Variants in RSPH3 observed in about 807,000 individuals in gnomAD.
The protein encoded by RSPH3 is radial spoke head 3, also known as radial spoke head protein 3 homolog.
RSPH3 carries 21 observed loss-of-function variants against 43.8 expected under a neutral mutation model. The observed-to-expected ratio is 0.48, with a 90% CI of 0.34 to 0.69. The LOEUF (loss-of-function observed/expected upper bound fraction) is 0.69, where lower values mean the gene tolerates loss of function less well. RSPH3 is among the 30% of genes least tolerant of loss of function. The pLI is 0.01. For synonymous variants in RSPH3, 173 were observed against 179.8 expected (o/e 0.96, Z 0.30); for missense variants, 487 against 516.0 (o/e 0.94, Z 0.54).
At chr6:158,993,704 T>A (rs1778495945) in intron 2 of RSPH3, 135 bp downstream of exon 2, 1 of 527,170 alleles carries the variant, frequency 1.9e-6, no homozygotes. Context: ...TTTTAAAAAT[T>A]TCATTTTTAT....
chr6:158,988,281 G>A (rs1173970005), intron 2 of RSPH3: 2 of 152,144 alleles, frequency 1.3e-5, no homozygotes, highest in African/African-American at 2.4e-5. Context: ...CTTCATGTAT[G>A]CTATTTGCTT....
Position 158,999,737 on chromosome 6 carries a change from G to A in RSPH3, c.-187C>T, listed in dbSNP as rs907246708. On this transcript the variant is annotated 5_prime_UTR_variant, in exon 1 of 8. Coordinates refer to ENST00000367069, the MANE Select transcript of RSPH3 (RefSeq NM_031924.8). ...CAGCGCAGGAGGTGGGAGCTATACT[G>A]GGCTCGCTCCCAGCACCACAGAGAC... 1 of 1,612,312 alleles carries A rather than the reference G, an allele frequency of 6.2e-7. No homozygotes were observed. The highest frequency in any genetic ancestry group is 1.1e-5 in the South Asian group (1 of 90,908).
In RSPH3 at chr6:158,999,712, C is replaced by T; in HGVS notation, c.-162G>A. The T allele has an allele frequency of 1.2e-6, 2 of 1,613,716 alleles. No individual in the cohort carries two copies. The highest frequency in any genetic ancestry group is 1.7e-6 in the Non-Finnish European group (2 of 1,179,820). On this transcript the variant is annotated 5_prime_UTR_variant, in exon 1 of 8. Coordinates refer to ENST00000367069, the MANE Select transcript of RSPH3 (RefSeq NM_031924.8). The stretch of plus-strand genomic sequence containing the variant: ...GGAGGCGGGCGGGACGGGAGGTTAC[C>T]AGCGCAGGAGGTGGGAGCTATACTG...
the RSPH3 span, among the ~76,000 whole-genome samples, chr6:158,963,304 TCCTC>T: frequency 6.6e-6 from 1 of 151,166 alleles, no homozygotes; most frequent in Non-Finnish European, 1.5e-5. Context: ...CTTCCTCTCT[TCCTC>T]CCTCCCTCCT....
chr6:158,999,965 C>T lies in RSPH3; in HGVS notation c.-415G>A. 6.3e-7 allele frequency: 1 copy of T among 1,595,984 alleles called. No homozygotes were observed. Among genetic ancestry groups the T allele is most frequent in the Non-Finnish European group, 8.5e-7 (1 of 1,170,470 alleles). On this transcript the variant is annotated 5_prime_UTR_variant, in exon 1 of 8. Coordinates refer to ENST00000367069, the MANE Select transcript of RSPH3 (RefSeq NM_031924.8). ...TGGCTAGGGAGGCGGCCTTGGCTGG[C>T]TTGACCGTCATCCTTGAGGCCTGCG...
Position 158,977,130 on chromosome 6 carries a change from A to G in RSPH3, c.*408T>C, listed in dbSNP as rs1222193682. ...CGCCTGGCTAGGCATTCACTCTTAC[A>G]GTAGGTGAAATAGTTTTCCTATAGA... On this transcript the variant is annotated 3_prime_UTR_variant, in exon 8 of 8. Transcript: ENST00000367069. 1 of 165,604 alleles carries G rather than the reference A, an allele frequency of 6.0e-6. No individual in the cohort carries two copies. The highest frequency in any genetic ancestry group is 2.4e-5 in the African/African-American group (1 of 41,516). 10.3% of individuals were successfully genotyped at this position (165,604 alleles called of 1,614,324 possible). A position where few individuals can be genotyped will look rare whatever the true frequency, so the allele number is the denominator to read the frequency against.
At chr6:158,998,463 C>T (rs901764105) in intron 1 of RSPH3, among the ~76,000 whole-genome samples, 2 of 129,464 alleles carry the variant, frequency 1.5e-5, no homozygotes, top group Admixed American at 1.7e-4. Context: ...AGCGAGACTC[C>T]GTCTCAAAAA....
chr6:158,963,473 C>CCCCTCCCCTCCCTTCCCTTCCCTTCCCT, the RSPH3 span, among the ~76,000 whole-genome samples: 1 of 124,768 alleles, frequency 8.0e-6, no homozygotes, highest in Non-Finnish European at 1.7e-5. Flanking sequence ...CTCCCCTCCT[C>CCCCTCCCCTCCCTTCCCTTCCCTTCCCT]TCCCTTCCCT....
At chr6:158,972,393 TAA>T (rs557620257), downstream of RSPH3, among the ~76,000 whole-genome samples, 58 of 152,326 alleles carry the variant, frequency 3.8e-4, no homozygotes, top group African/African-American at 1.3e-3. Flanking sequence ...ATGAACATTT[TAA>T]GAGTCTGGCA....
chr6:158,977,767 T>C lies in RSPH3; in HGVS notation c.1028A>G (p.Asp343Gly). The C allele has an allele frequency of 6.2e-7, 1 of 1,614,138 alleles. No individual in the cohort carries two copies. Among genetic ancestry groups the C allele is most frequent in the Non-Finnish European group, 8.5e-7 (1 of 1,179,984 alleles). Residue 343 changes from aspartate (D) to glycine (G), a missense_variant, in exon 8 of 8, where the codon GAT (aspartate) becomes GGT (glycine). Asp to Gly is a moderately conservative substitution (Grantham distance 94). Coordinates refer to ENST00000367069, the MANE Select transcript of RSPH3 (RefSeq NM_031924.8). ...CATTGCTCCAGGACCACCAGGCTCA[T>C]CCTCGGGTTCTGGAGACTGATGTGT... ...EDTHQSPEPE[D>G]EPGGPGAMTE...
chr6:158,999,322 G>T, intron 1 of RSPH3, 113 bp downstream of exon 1: 1 of 963,026 alleles, frequency 1.0e-6, no homozygotes, highest in Non-Finnish European at 1.5e-6. Context: ...TCGGCAGAGT[G>T]CAGCCAAGGG....
chr6:158,971,785 T>C (rs909738950), downstream of RSPH3, among the ~76,000 whole-genome samples: 1 of 152,216 alleles, frequency 6.6e-6, no homozygotes, highest in Non-Finnish European at 1.5e-5. Context: ...GAAGATATGA[T>C]TTCTAGGCAT....
At chr6:158,968,391 T>C (rs1047069013), downstream of RSPH3, among the ~76,000 whole-genome samples, 2 of 151,640 alleles carry the variant, frequency 1.3e-5, no homozygotes, top group South Asian at 4.2e-4. Context: ...TGTACCACCA[T>C]ACCTGGCTAA....
chr6:158,991,855 C>T (rs1778419426), intron 2 of RSPH3, among the ~76,000 whole-genome samples: 1 of 152,060 alleles, frequency 6.6e-6, no homozygotes, highest in African/African-American at 2.4e-5. Context: ...ATAGATGTTC[C>T]CCAACTTATG....
At chr6:158,981,010 G>T in intron 5 of RSPH3, 74 bp from the exon 6 acceptor site, 1 of 1,446,194 alleles carries the variant, frequency 6.9e-7, no homozygotes, top group Non-Finnish European at 9.6e-7. Flanking sequence ...AAGTTAGTAA[G>T]TACAAGAATC....
At chr6:158,992,427 G>A (rs1047086660) in intron 2 of RSPH3, among the ~76,000 whole-genome samples, 10 of 150,760 alleles carry the variant, frequency 6.6e-5, no homozygotes, top group East Asian at 1.9e-4. Context: ...CTACAGGGGC[G>A]TGCCACCATG....
At chr6:158,984,473 T>TATATA (rs1164216163) in intron 3 of RSPH3, among the ~76,000 whole-genome samples, 17 of 128,450 alleles carry the variant, frequency 1.3e-4, no homozygotes, top group African/African-American at 4.7e-4. Context: ...TATATATATA[T>TATATA]ATTTGAGTCC....
chr6:158,987,774 T>C (rs1562563945), intron 2 of RSPH3, among the ~76,000 whole-genome samples: 1 of 152,214 alleles, frequency 6.6e-6, no homozygotes, highest in African/African-American at 2.4e-5. Context: ...TCCCCCCACA[T>C]ACTAACTTTT....
chr6:158,998,931 G>A (rs1160811630), intron 1 of RSPH3, among the ~76,000 whole-genome samples: 2 of 152,156 alleles, frequency 1.3e-5, no homozygotes, highest in Non-Finnish European at 2.9e-5. Context: ...CCAATCTGTG[G>A]TCCTGCATGG....
Sources: allele counts gnomAD v4.1 joint callset (sites outside exome capture counted in the v4.1 genomes callset), GRCh38; gene constraint gnomAD v4.1.1; transcripts MANE v1.5; gene names NCBI Gene and HGNC (gene_info 2026-07-23, HGNC 2026-07-21).